The following AGBL1 variants were observed in gnomAD, a reference collection of about 807,000 sequenced individuals.
The protein encoded by AGBL1 is AGBL carboxypeptidase 1.
Under a neutral mutation model 118.9 loss-of-function variants are expected in AGBL1, and 130 were observed. The ratio of observed to expected loss-of-function variants is 1.09; its 90% confidence interval spans 0.95 to 1.26. The LOEUF is 1.26. AGBL1 is among the 50% of genes most tolerant of loss of function. The pLI is 0.00. For missense variants in AGBL1, 1,584 were observed against 1,298.1 expected (o/e 1.22, Z -3.38); for synonymous variants, 555 against 478.9 (o/e 1.16, Z -2.08).
At chr15:86,298,432 G>GA (rs893274624) in intron 17 of AGBL1, among the ~76,000 whole-genome samples, 3 of 147,340 alleles carry the variant, frequency 2.0e-5, no homozygotes, top group African/African-American at 7.6e-5. Flanking sequence ...TCTAAAAGAA[G>GA]AAAAAAAACC....
intron 23 of AGBL1, among the ~76,000 whole-genome samples, chr15:86,948,455 AGAAAT>A (rs2080848040): frequency 6.6e-6 from 1 of 152,256 alleles, no homozygotes; most frequent in African/African-American, 2.4e-5. Flanking sequence ...CGAAGGAAAA[AGAAAT>A]GAATCTATTT....
exon 25 of AGBL1, chr15:87,028,936 GTA>G: frequency 7.3e-7 from 1 of 1,370,302 alleles, no homozygotes; most frequent in East Asian, 2.3e-5. Flanking sequence ...TCAAGATGTT[GTA>G]CATGTCTTAT....
intron 21 of AGBL1, among the ~76,000 whole-genome samples, chr15:86,562,292 C>T (rs1236912272): frequency 1.3e-5 from 2 of 152,148 alleles, no homozygotes; most frequent in African/African-American, 2.4e-5. Flanking sequence ...TCATAAATAG[C>T]TCTTATTATT....
intron 1 of AGBL1, among the ~76,000 whole-genome samples, chr15:86,127,777 C>G (rs779692110): frequency 6.6e-6 from 1 of 152,110 alleles, no homozygotes; most frequent in Non-Finnish European, 1.5e-5. Context: ...ACTTTCAGAC[C>G]TGTCACATAA....
chr15:86,715,780 C>T (rs1255243337), intron 22 of AGBL1, among the ~76,000 whole-genome samples: 5 of 152,006 alleles, frequency 3.3e-5, no homozygotes, highest in Non-Finnish European at 2.9e-5. Context: ...TAAATCAGGC[C>T]GGGTGCGGTG....
chr15:86,237,167 T>A (rs181934569), intron 6 of AGBL1, among the ~76,000 whole-genome samples: 1 of 152,324 alleles, frequency 6.6e-6, no homozygotes, highest in Non-Finnish European at 1.5e-5. Context: ...CTCTTTCCTC[T>A]GTATCTGCCT....
intron 5 of AGBL1, among the ~76,000 whole-genome samples, chr15:86,160,728 T>G (rs1294530534): frequency 6.6e-6 from 1 of 152,208 alleles, no homozygotes; most frequent in African/African-American, 2.4e-5. Flanking sequence ...TTTCTTCCTT[T>G]AGATTATGTG....
chr15:87,030,684 TA>T (rs777796404), downstream of AGBL1, among the ~76,000 whole-genome samples: 22 of 152,148 alleles, frequency 1.4e-4, no homozygotes, highest in Non-Finnish European at 2.9e-4. Context: ...TTTTTCTAAA[TA>T]AATTTATTTG....
At position 86,113,211 on chromosome 15, in the gene AGBL1, C is replaced by CT. The variant is rs1310418392; in HGVS notation, c.52-28788dup. 4.2e-5 allele frequency among the ~76,000 whole-genome samples: 4 copies of CT among 94,446 alleles called. No individual in the cohort carries two copies. The East Asian group carries it at 1.4e-3, about 32-fold the overall frequency. 62.0% of individuals were successfully genotyped at this position (94,446 alleles called of 152,430 possible). ...GTTCACCTCTTTATTTTTTCTTTTT[C>CT]TTTTTCTTTTCTTTTCTTTTCTTTT... On this transcript the variant is annotated intron_variant, in intron 1 of 22. Coordinates refer to ENST00000614907, the MANE Select transcript of AGBL1 (RefSeq NM_001386094.1).
chr15:86,206,443 G>A (rs1597549634), intron 5 of AGBL1, among the ~76,000 whole-genome samples: 2 of 152,270 alleles, frequency 1.3e-5, no homozygotes, highest in Admixed American at 1.3e-4. Flanking sequence ...GTGAGAAAGT[G>A]TTCCTATTTC....
intron 22 of AGBL1, among the ~76,000 whole-genome samples, chr15:86,727,772 TGTTAA>T (rs2086842709): frequency 6.6e-6 from 1 of 152,200 alleles, no homozygotes; most frequent in South Asian, 2.1e-4. Flanking sequence ...AATCACTGAA[TGTTAA>T]GTTGCAAAAA....
intron 22 of AGBL1, among the ~76,000 whole-genome samples, chr15:86,833,208 T>C (rs1459539414): frequency 1.3e-5 from 2 of 151,998 alleles, no homozygotes; most frequent in African/African-American, 4.8e-5. Flanking sequence ...CCAAACCATA[T>C]CACCCATTTA....
intron 8 of AGBL1, 48 bp from the exon 9 acceptor site, chr15:86,257,916 C>T (rs374974159): frequency 4.8e-5 from 76 of 1,584,388 alleles, no homozygotes; most frequent in South Asian, 1.4e-4. Context: ...TCCTAAATCC[C>T]GGGCAAAGGG....
intron 4 of AGBL1, 113 bp downstream of exon 4, chr15:86,154,674 T>A: frequency 7.7e-7 from 1 of 1,294,590 alleles, no homozygotes; most frequent in Non-Finnish European, 1.0e-6. Flanking sequence ...ATACACATGG[T>A]GGTCCCAGCC....
chr15:86,921,044 C>A (rs1271577930), downstream of AGBL1, among the ~76,000 whole-genome samples: 1 of 152,134 alleles, frequency 6.6e-6, no homozygotes, highest in South Asian at 2.1e-4. Flanking sequence ...TCCCCAGCGG[C>A]TTCTAGGTAA....
chr15:86,948,375 A>C (rs1455851322), intron 23 of AGBL1, among the ~76,000 whole-genome samples: 1 of 152,254 alleles, frequency 6.6e-6, no homozygotes, highest in East Asian at 1.9e-4. Flanking sequence ...ATGGACATTT[A>C]AAATAAAAAC....
intron 3 of AGBL1, among the ~76,000 whole-genome samples, chr15:86,147,950 G>C (rs1278641246): frequency 6.6e-6 from 1 of 152,216 alleles, no homozygotes; most frequent in East Asian, 1.9e-4. Context: ...TGCAGTATTT[G>C]CTGTTCTGCA....
chr15:86,832,389 A>G (rs2079117371), intron 22 of AGBL1, among the ~76,000 whole-genome samples: 1 of 152,174 alleles, frequency 6.6e-6, no homozygotes, highest in Non-Finnish European at 1.5e-5. Flanking sequence ...CTTTTAACAT[A>G]AGTTCCAATT....
At chr15:86,274,173 C>A (rs1597663225) in intron 15 of AGBL1, among the ~76,000 whole-genome samples, 1 of 151,682 alleles carries the variant, frequency 6.6e-6, no homozygotes, top group African/African-American at 2.4e-5. Flanking sequence ...TTATATCTAC[C>A]TAATTGTTAC....
Sources: allele counts gnomAD v4.1 joint callset (sites outside exome capture counted in the v4.1 genomes callset), GRCh38; gene constraint gnomAD v4.1.1; transcripts MANE v1.5; gene names NCBI Gene and HGNC (gene_info 2026-07-23, HGNC 2026-07-21).